Variants in ATP2B3 observed in about 807,000 individuals in gnomAD.
ATP2B3 encodes the protein plasma membrane calcium-transporting ATPase 3.
Under a neutral mutation model 70.8 loss-of-function variants are expected in ATP2B3, and 12 were observed. The ratio of observed to expected loss-of-function variants is 0.17; its 90% CI spans 0.11 to 0.27. The LOEUF is 0.27. ATP2B3 is among the 10% of genes least tolerant of loss of function. The pLI, the probability that ATP2B3 is intolerant of heterozygous loss-of-function variation, is 1.00. For synonymous variants in ATP2B3, 460 were observed against 497.8 expected (o/e 0.92, Z 1.01); for missense variants, 858 against 1,118.5 (o/e 0.77, Z 3.32).
chrX:153,577,858 G>A (rs1557021698), intron 21 of ATP2B3, among the ~76,000 whole-genome samples: 1 of 111,299 alleles, frequency 9.0e-6, no homozygotes, highest in African/African-American at 3.3e-5. Flanking sequence ...GAGCTCAAGC[G>A]ATCAGCCCGC....
rs141023339 is a variant in ATP2B3 at position 153,561,081 on chromosome X, T to G, written c.3051+194T>G. Among the ~76,000 whole-genome samples, 689 of 112,050 alleles carry G rather than the reference T, an allele frequency of 6.1e-3. 3 individuals carry two copies. Among genetic ancestry groups the G allele is most frequent in the Middle Eastern group, 0.014 (3 of 214 alleles). ...AGGGCCTTCTTCATCTTCCAAACATTGCCGGCCTTGCCCTGGGTGAGCGCG... is the reference window on the plus strand; with the variant it reads ...AGGGCCTTCTTCATCTTCCAAACATGGCCGGCCTTGCCCTGGGTGAGCGCG... On this transcript the variant is annotated intron_variant, in intron 19 of 21. Coordinates refer to ENST00000263519, the MANE Select transcript of ATP2B3 (RefSeq NM_001001344.3).
rs543693215 is a variant in ATP2B3, at chrX:153,549,412, G to A, written c.1339-85G>A. ...CGTGGAGCTAGCTGAGCAGAACAGA[G>A]TCACGCGATGTTTGTGTTGACATCT... On this transcript the variant is annotated intron_variant, in intron 10 of 21. Transcript: ENST00000263519. 1.6e-5 allele frequency: 19 copies of A among 1,187,103 alleles called. No individual in the cohort carries two copies. The African/African-American group carries it at 1.9e-4, about 12-fold the overall frequency.
chrX:153,571,107 C>T (rs1242433936), intron 21 of ATP2B3, among the ~76,000 whole-genome samples: 4 of 111,804 alleles, frequency 3.6e-5, no homozygotes, highest in African/African-American at 1.3e-4. Context: ...GCCACCTACC[C>T]TTGTCACAAA....
At chrX:153,564,243 G>A (rs1557017319) in intron 20 of ATP2B3, among the ~76,000 whole-genome samples, 1 of 112,978 alleles carries the variant, frequency 8.9e-6, no homozygotes, top group African/African-American at 3.2e-5. Context: ...CGCAAACAGC[G>A]CCTGTGTCTC....
chrX:153,529,457 G>A (rs782252828), intron 2 of ATP2B3, among the ~76,000 whole-genome samples: 2 of 112,021 alleles, frequency 1.8e-5, no homozygotes, highest in Admixed American at 9.4e-5. Flanking sequence ...CAATCACGGC[G>A]TGTGGCTTGG....
At chrX:153,544,631 G>A (rs910771594) in intron 7 of ATP2B3, among the ~76,000 whole-genome samples, 6 of 110,995 alleles carry the variant, frequency 5.4e-5, no homozygotes, top group Non-Finnish European at 9.5e-5. Flanking sequence ...CGCCCTCCCC[G>A]TCTCTCCCGC....
At chrX:153,555,715 T>A (rs2090524156) in intron 13 of ATP2B3, among the ~76,000 whole-genome samples, 1 of 112,484 alleles carries the variant, frequency 8.9e-6, no homozygotes, top group African/African-American at 3.2e-5. Context: ...GTGATGCAGG[T>A]GGTCCCCAAC....
chrX:153,561,476 C>T (rs1557016249), intron 19 of ATP2B3, among the ~76,000 whole-genome samples: 1 of 112,440 alleles, frequency 8.9e-6, no homozygotes, highest in African/African-American at 3.2e-5. Flanking sequence ...AGGACACATG[C>T]CACACCATAG....
chrX:153,548,871 C>T lies in ATP2B3; in HGVS notation c.1338+17C>T. 1.7e-6 allele frequency: 2 copies of T among 1,196,118 alleles called. No homozygotes were observed. The highest frequency in any genetic ancestry group is 3.6e-5 in the South Asian group (2 of 56,294). On this transcript the variant is annotated intron_variant, in intron 10 of 21. Transcript: ENST00000263519. ...TCTGTCAAGGTAATCATAAAACTTACAGTTGATACTGTTTACAGACTCGGA... is the reference window on the plus strand; with the variant it reads ...TCTGTCAAGGTAATCATAAAACTTATAGTTGATACTGTTTACAGACTCGGA...
At chrX:153,552,758 G>A (rs2090476381) in intron 12 of ATP2B3, among the ~76,000 whole-genome samples, 1 of 112,379 alleles carries the variant, frequency 8.9e-6, no homozygotes, top group East Asian at 2.8e-4. Flanking sequence ...GGGCAGGGCC[G>A]AAGCGCCTCC....
chrX:153,527,221 G>T (rs1046847911), intron 2 of ATP2B3, among the ~76,000 whole-genome samples: 1 of 112,967 alleles, frequency 8.9e-6, no homozygotes, highest in Middle Eastern at 4.6e-3. Flanking sequence ...TCCCATCCAC[G>T]TGCTCTCTGG....
Position 153,542,408 on chromosome X carries a change from C to T in ATP2B3, c.750C>T (p.His250=), listed in dbSNP as rs1383807393. 8 of 1,210,507 alleles carry T rather than the reference C, an allele frequency of 6.6e-6. No homozygotes were observed. Among genetic ancestry groups the T allele is most frequent in the Middle Eastern group, 2.3e-4 (1 of 4,376 alleles). ...DESSLTGESD[H]VRKSADKDPM... ...GCTCCCTGACGGGCGAGTCTGACCA[C>T]GTGCGCAAGTCAGCTGACAAAGATC... The change falls in exon 6 of 22, where the codon CAC becomes CAT. Residue 250 remains histidine, a synonymous_variant. Coordinates refer to ENST00000263519, the MANE Select transcript of ATP2B3 (RefSeq NM_001001344.3).
At chrX:153,535,653 GC>G (rs1461743403) in intron 2 of ATP2B3, among the ~76,000 whole-genome samples, 2 of 112,396 alleles carry the variant, frequency 1.8e-5, no homozygotes, top group Non-Finnish European at 3.8e-5. Flanking sequence ...TGGCATGCCC[GC>G]TGCACAGGGC....
At chrX:153,537,668 G>C (rs1400252163) in intron 3 of ATP2B3, among the ~76,000 whole-genome samples, 1 of 112,419 alleles carries the variant, frequency 8.9e-6, no homozygotes, top group Non-Finnish European at 1.9e-5. Context: ...TGCAGCTGCT[G>C]CTGGGGCTGA....
intron 2 of ATP2B3, among the ~76,000 whole-genome samples, chrX:153,528,254 G>A: frequency 8.9e-6 from 1 of 112,597 alleles, no homozygotes; most frequent in East Asian, 2.8e-4. Context: ...TTGAGGTCCT[G>A]TTGGCCTCTG....
In ATP2B3 at chrX:153,580,368, G is replaced by GCA; in HGVS notation, c.*79_*80dup. 2.0e-6 allele frequency: 2 copies of GCA among 1,009,625 alleles called. No homozygotes were observed. Among genetic ancestry groups the GCA allele is most frequent in the Non-Finnish European group, 2.7e-6 (2 of 736,768 alleles). The allele number at this position is 1,009,625 out of a possible 1,213,427, so 83.2% of individuals were successfully genotyped here. ...CACGAAGTCACACGCACACATGCAC[G>GCA]CACACACACATATGGGGACCTGCAC... is the stretch of plus-strand genomic sequence containing the variant. On this transcript the variant is annotated 3_prime_UTR_variant, in exon 22 of 22. Transcript: ENST00000263519.
At chrX:153,563,685 G>T (rs1466093743) in intron 20 of ATP2B3, among the ~76,000 whole-genome samples, 1 of 112,389 alleles carries the variant, frequency 8.9e-6, no homozygotes, top group East Asian at 2.8e-4. Flanking sequence ...CCAGAGGGGT[G>T]CCAGGCCCTC....
At chrX:153,573,716 C>T (rs2090820715) in intron 21 of ATP2B3, among the ~76,000 whole-genome samples, 1 of 112,820 alleles carries the variant, frequency 8.9e-6, no homozygotes, top group Admixed American at 9.3e-5. Flanking sequence ...GGAGGTCCCG[C>T]AGCTGGATTC....
chrX:153,521,214 G>A (rs1406795318), intron 2 of ATP2B3, among the ~76,000 whole-genome samples: 6 of 113,366 alleles, frequency 5.3e-5, no homozygotes, highest in Non-Finnish European at 7.5e-5. Flanking sequence ...CCCTGGCTAA[G>A]CTGGCAGAAG....
Sources: gnomAD v4.1 joint callset for allele counts (sites outside exome capture counted in the v4.1 genomes callset) on GRCh38, gnomAD v4.1.1 for gene constraint, MANE v1.5 for transcripts, NCBI Gene and HGNC (gene_info 2026-07-23, HGNC 2026-07-21) for gene names.